Variants in THRB observed in about 807,000 individuals in gnomAD.
The protein encoded by THRB is nuclear receptor subfamily 1 group A member 2.
Under a neutral mutation model 47.8 loss-of-function variants are expected in THRB, and 12 were observed. The ratio of observed to expected loss-of-function variants is 0.25; its 90% CI spans 0.16 to 0.41. THRB has a LOEUF of 0.41. THRB is among the 10% of genes least tolerant of loss of function. THRB has a pLI of 1.00. For synonymous variants in THRB, 218 were observed against 212.2 expected (o/e 1.03, Z -0.24); for missense variants, 348 against 589.2 (o/e 0.59, Z 4.24).
At chr3:24,191,508 G>C (rs1396501287) in intron 4 of THRB, among the ~76,000 whole-genome samples, 1 of 152,118 alleles carries the variant, frequency 6.6e-6, no homozygotes, top group African/African-American at 2.4e-5. Context: ...GGGGCTTAGA[G>C]AGACATGTCT....
chr3:24,193,794 CATT>C (rs757490593), intron 4 of THRB, among the ~76,000 whole-genome samples: 4 of 151,906 alleles, frequency 2.6e-5, no homozygotes, highest in Non-Finnish European at 5.9e-5. Context: ...GAAAAGAAGT[CATT>C]ATATGAAAAA....
rs144102882 is a variant in THRB at position 24,292,146 on chromosome 3, G to A, written c.-43+5080C>T. ...AAATTTAATCTGTGTTACATACAAT[G>A]TGTGTGCACATGTTTGTACTATGTC... On this transcript the variant is annotated intron_variant, in intron 3 of 10. Transcript: ENST00000646209. 2.5e-3 allele frequency among the ~76,000 whole-genome samples: 384 copies of A among 152,236 alleles called. 2 individuals carry two copies. Among genetic ancestry groups the A allele is most frequent in the South Asian group, 3.9e-3 (19 of 4,820 alleles).
intron 9 of THRB, among the ~76,000 whole-genome samples, chr3:24,132,828 A>C (rs2034082764): frequency 6.6e-6 from 1 of 152,252 alleles, no homozygotes. Context: ...CCACACAGTC[A>C]TCTCACTGGG....
rs1442570387 is a variant in THRB, at chr3:24,122,950, C to T, written c.1320G>A (p.Leu440=). ...MIGACHASRF[L]HMKVECPTEL... is the part of the protein sequence containing the mutation. Reference sequence around the variant, plus strand: ...CTGTGGGGCATTCCACCTTCATGTGCAGGAAGCGGCTGGCATGGCAGGCTC... The same window carrying T: ...CTGTGGGGCATTCCACCTTCATGTGTAGGAAGCGGCTGGCATGGCAGGCTC... The change falls in exon 11 of 11, where the codon CTG becomes CTA. Residue 440 remains leucine (L), a synonymous_variant. Coordinates refer to ENST00000646209, the MANE Select transcript of THRB (RefSeq NM_001354712.2). 2 of 1,614,200 alleles carry T rather than the reference C, an allele frequency of 1.2e-6. No homozygotes were observed. The highest frequency in any genetic ancestry group is 1.7e-6 in the Non-Finnish European group (2 of 1,180,036).
intron 4 of THRB, among the ~76,000 whole-genome samples, chr3:24,199,705 T>C: frequency 6.6e-6 from 1 of 152,316 alleles, no homozygotes; most frequent in African/African-American, 2.4e-5. Flanking sequence ...TGAAAACCAT[T>C]AAAACAATTT....
At chr3:24,153,534 A>G (rs1171771301) in intron 5 of THRB, among the ~76,000 whole-genome samples, 1 of 152,206 alleles carries the variant, frequency 6.6e-6, no homozygotes, top group Non-Finnish European at 1.5e-5. Context: ...TCTCTTTTTT[A>G]GTGGACAATG....
At chr3:24,133,593 T>C in intron 8 of THRB, 131 bp from the exon 9 acceptor site, 1 of 854,964 alleles carries the variant, frequency 1.2e-6, no homozygotes. Context: ...CATCATTTGT[T>C]AACAAACTGT....
chr3:24,476,775 G>T (rs904682065), intron 1 of THRB, among the ~76,000 whole-genome samples: 5 of 152,088 alleles, frequency 3.3e-5, no homozygotes, highest in Admixed American at 2.6e-4. Context: ...ATCTGATAGA[G>T]TATGGTTTTC....
chr3:24,265,576 C>CATTATTTATAA (rs2052567881), intron 3 of THRB, among the ~76,000 whole-genome samples: 1 of 152,058 alleles, frequency 6.6e-6, no homozygotes, highest in Non-Finnish European at 1.5e-5. Context: ...ATAATAATGT[C>CATTATTTATAA]CATTAAATTA....
intron 2 of THRB, among the ~76,000 whole-genome samples, chr3:24,315,795 T>C (rs7610222): frequency 0.73 from 111,515 of 152,090 alleles, 41,004 homozygotes; most frequent in East Asian, 0.82. Context: ...CAGGGAGAAG[T>C]AGTTCACTCC....
chr3:24,217,933 T>C (rs1031873693), intron 4 of THRB, among the ~76,000 whole-genome samples: 2 of 152,218 alleles, frequency 1.3e-5, no homozygotes, highest in Admixed American at 1.3e-4. Context: ...GCCCGAATTG[T>C]TTGCTTCAAA....
chr3:24,403,176 G>A (rs2067556341), intron 1 of THRB, among the ~76,000 whole-genome samples: 1 of 151,824 alleles, frequency 6.6e-6, no homozygotes, highest in Admixed American at 6.6e-5. Flanking sequence ...ATACAGAATG[G>A]AATCATTTAT....
intron 1 of THRB, among the ~76,000 whole-genome samples, chr3:24,467,280 C>T (rs938358701): frequency 6.6e-6 from 1 of 152,228 alleles, no homozygotes; most frequent in Non-Finnish European, 1.5e-5. Context: ...ATAGCATCTG[C>T]AGTTACTTCT....
chr3:24,427,509 G>A (rs1162489397), intron 1 of THRB, among the ~76,000 whole-genome samples: 1 of 151,966 alleles, frequency 6.6e-6, no homozygotes, highest in Non-Finnish European at 1.5e-5. Flanking sequence ...AATTTGAATG[G>A]ATGCTTAGCA....
intron 3 of THRB, among the ~76,000 whole-genome samples, chr3:24,258,958 C>T (rs1317327065): frequency 6.6e-6 from 1 of 152,092 alleles, no homozygotes; most frequent in Non-Finnish European, 1.5e-5. Context: ...TGATTCAGTC[C>T]TTATTTTTAG....
intron 2 of THRB, among the ~76,000 whole-genome samples, chr3:24,307,060 A>T (rs1025261176): frequency 6.6e-6 from 1 of 151,670 alleles, no homozygotes; most frequent in Non-Finnish European, 1.5e-5. Flanking sequence ...ATAATAAATT[A>T]TAATAAAATA....
chr3:24,291,263 G>C (rs562306818), intron 3 of THRB, among the ~76,000 whole-genome samples: 1 of 152,306 alleles, frequency 6.6e-6, no homozygotes, highest in South Asian at 2.1e-4. Context: ...ACAGAAAATG[G>C]GAGGCCTTTT....
At chr3:24,150,032 C>T (rs2036670475) in intron 6 of THRB, among the ~76,000 whole-genome samples, 1 of 152,220 alleles carries the variant, frequency 6.6e-6, no homozygotes, top group Non-Finnish European at 1.5e-5. Context: ...GGAGATAACT[C>T]ACTCTTCTAG....
chr3:24,201,876 CA>C (rs2044635416), intron 4 of THRB, among the ~76,000 whole-genome samples: 1 of 151,992 alleles, frequency 6.6e-6, no homozygotes, highest in Non-Finnish European at 1.5e-5. Flanking sequence ...ATAATAAAAG[CA>C]ATAGCTAACA....
Sources: allele counts gnomAD v4.1 joint callset (sites outside exome capture counted in the v4.1 genomes callset), GRCh38; gene constraint gnomAD v4.1.1; transcripts MANE v1.5; gene names NCBI Gene and HGNC (gene_info 2026-07-23, HGNC 2026-07-21).